Variants in ST7 observed in about 807,000 individuals in gnomAD.
ST7 encodes the protein suppression of tumorigenicity 7.
In ST7, 28 loss-of-function variants were observed where a neutral mutation model predicts 78.7. The observed-to-expected ratio is 0.36, with a 90% CI of 0.26 to 0.49. The LOEUF (loss-of-function observed/expected upper bound fraction) is 0.49. Among genes scored for constraint, ST7 ranks in the 20% least tolerant of loss-of-function variants. ST7 has a pLI of 0.99. For synonymous variants in ST7, 247 were observed against 249.6 expected, an observed-to-expected ratio of 0.99 and a Z score of 0.10; for missense variants, 418 against 696.0, an observed-to-expected ratio of 0.60 and a Z score of 4.49.
chr7:117,225,777 G>A lies in ST7; in HGVS notation c.1638+3715G>A, dbSNP rs575157727. 9.9e-5 allele frequency among the ~76,000 whole-genome samples: 15 copies of A among 152,266 alleles called. No individual in the cohort carries two copies. The South Asian group carries it at 2.9e-3, about 30-fold the overall frequency. On this transcript the variant is annotated intron_variant, in intron 15 of 15. Transcript: ENST00000323984. The stretch of plus-strand genomic sequence containing the variant: ...CAGCTGCTGGCTTGGGAACTCTCCA[G>A]CATGTTTACTTGGTGACCATGATGT...
chr7:116,966,278 T>G (rs528932731), intron 1 of ST7, among the ~76,000 whole-genome samples: 2 of 146,246 alleles, frequency 1.4e-5, no homozygotes, highest in South Asian at 2.2e-4. Context: ...AAGATAGGAG[T>G]CTTCCTCTGT....
chr7:117,229,353 C>T (rs1793645082), intron 15 of ST7, among the ~76,000 whole-genome samples: 1 of 144,056 alleles, frequency 6.9e-6, no homozygotes, highest in Non-Finnish European at 1.5e-5. Flanking sequence ...TTAAAGTGAG[C>T]TCTACACCCA....
At chr7:117,169,405 G>T (rs1158274723) in intron 9 of ST7, among the ~76,000 whole-genome samples, 3 of 151,734 alleles carry the variant, frequency 2.0e-5, no homozygotes, top group Non-Finnish European at 2.9e-5. Flanking sequence ...CAAAGTGCTG[G>T]GATTATAGTC....
At chr7:117,115,592 G>A (rs1444667553) in intron 2 of ST7, among the ~76,000 whole-genome samples, 2 of 152,102 alleles carry the variant, frequency 1.3e-5, no homozygotes, top group East Asian at 1.9e-4. Context: ...GACCTCAGGT[G>A]ATCTGCCCGC....
Position 117,099,052 on chromosome 7 carries a change from AAAAAAAAAAAAAAC to A in ST7, c.152-699_152-686del, listed in dbSNP as rs559454278. Among the ~76,000 whole-genome samples the A allele has an allele frequency of 3.3e-3, 480 of 143,984 alleles. 10 individuals carry two copies. Among genetic ancestry groups the A allele is most frequent in the African/African-American group, 0.012 (456 of 38,626 alleles). 94.5% of individuals were successfully genotyped at this position (143,984 alleles called of 152,430 possible). A position where few individuals can be genotyped will look rare whatever the true frequency, so the allele number is the denominator to read the frequency against. ...CTTAATAAACTCACTTTCGCAAAAAAAAAAAAAAAAAAACAAAAAAAAAAGAAGAAGAAGAAGGT... is the reference window on the plus strand; with the variant it reads ...CTTAATAAACTCACTTTCGCAAAAAAAAAAAAAAAAGAAGAAGAAGAAGGT... On this transcript the variant is annotated intron_variant, in intron 1 of 15. Transcript: ENST00000323984.
intron 1 of ST7, among the ~76,000 whole-genome samples, chr7:117,022,337 A>C (rs1048410167): frequency 2.7e-4 from 41 of 152,216 alleles, no homozygotes; most frequent in Non-Finnish European, 1.0e-4. Context: ...TCGTACTGTC[A>C]GTGGATATCG....
At chr7:117,071,818 C>G (rs1173106832) in intron 1 of ST7, among the ~76,000 whole-genome samples, 1 of 152,200 alleles carries the variant, frequency 6.6e-6, no homozygotes, top group Non-Finnish European at 1.5e-5. Flanking sequence ...AGAGGCAGAT[C>G]ATACAAAACT....
chr7:117,073,888 G>A (rs745664787), intron 1 of ST7: 6 of 152,094 alleles, frequency 3.9e-5, no homozygotes, highest in Admixed American at 6.5e-5. Context: ...TATTGTTCTC[G>A]TGGAATGTTG....
intron 6 of ST7, 114 bp from the exon 7 acceptor site, chr7:117,134,010 T>C: frequency 7.2e-7 from 1 of 1,380,852 alleles, no homozygotes; most frequent in Non-Finnish European, 9.7e-7. Flanking sequence ...TTTGAATTTT[T>C]TGAAGTCCAC....
chr7:117,156,227 C>T (rs984237673), intron 9 of ST7, among the ~76,000 whole-genome samples: 1 of 152,144 alleles, frequency 6.6e-6, no homozygotes, highest in African/African-American at 2.4e-5. Context: ...TATCCCAGTA[C>T]AATAGTGCCT....
intron 1 of ST7, among the ~76,000 whole-genome samples, chr7:117,039,552 C>T (rs1018170086): frequency 3.8e-4 from 55 of 146,484 alleles, no homozygotes; most frequent in Admixed American, 4.1e-4. Flanking sequence ...CCAGCCTGGG[C>T]GACAGAGTGA....
At chr7:116,968,927 G>A (rs1016618993) in intron 1 of ST7, among the ~76,000 whole-genome samples, 13 of 152,156 alleles carry the variant, frequency 8.5e-5, no homozygotes, top group African/African-American at 2.9e-4. Flanking sequence ...TTAAATTGGA[G>A]TTCATTTTGA....
At chr7:116,955,258 C>T in intron 1 of ST7, 1 of 367,274 alleles carries the variant, frequency 2.7e-6, no homozygotes, top group Non-Finnish European at 5.4e-6. Context: ...CAGTGTTAGT[C>T]TGTTTTGTGC....
chr7:117,132,580 C>T (rs924500832), intron 6 of ST7, among the ~76,000 whole-genome samples: 1 of 151,474 alleles, frequency 6.6e-6, no homozygotes, highest in African/African-American at 2.4e-5. Flanking sequence ...CCATCTGGTG[C>T]TTGAATCACC....
In ST7 at chr7:117,209,795, A is replaced by G. The variant is rs1792138187; in HGVS notation, c.1263A>G (p.Leu421=). Residue 421 remains leucine (L), a synonymous_variant, in exon 13 of 16, where the codon CTA becomes CTG. Transcript: ENST00000323984. ...EFNPHVPKYL[L]EMKSLILPPE... Reference sequence around the variant, plus strand: ...CTGCTTTTTTATTTCAGTACCTACTAGAAATGAAAAGCTTAATCCTACCCC... The same window carrying G: ...CTGCTTTTTTATTTCAGTACCTACTGGAAATGAAAAGCTTAATCCTACCCC... 6.2e-7 allele frequency: 1 copy of G among 1,613,406 alleles called. No homozygotes were observed. The highest frequency in any genetic ancestry group is 1.1e-5 in the South Asian group (1 of 90,942).
At chr7:117,082,443 A>G (rs1295573349) in intron 1 of ST7, among the ~76,000 whole-genome samples, 1 of 152,224 alleles carries the variant, frequency 6.6e-6, no homozygotes, top group Non-Finnish European at 1.5e-5. Context: ...AATATTTACC[A>G]GAGTTGAGAA....
intron 10 of ST7, among the ~76,000 whole-genome samples, chr7:117,177,697 C>T (rs893984832): frequency 2.0e-5 from 3 of 152,200 alleles, no homozygotes; most frequent in Non-Finnish European, 4.4e-5. Flanking sequence ...TCCCAAGTGG[C>T]ACATCTTTTT....
At chr7:117,028,103 A>G (rs1371719420) in intron 1 of ST7, among the ~76,000 whole-genome samples, 1 of 152,194 alleles carries the variant, frequency 6.6e-6, no homozygotes, top group African/African-American at 2.4e-5. Flanking sequence ...ATAATAGCAT[A>G]TGGACTTTTA....
At chr7:117,107,583 T>C in intron 2 of ST7, among the ~76,000 whole-genome samples, 1 of 151,754 alleles carries the variant, frequency 6.6e-6, no homozygotes, top group African/African-American at 2.4e-5. Context: ...TTATCTATTA[T>C]TCATGTCCTT....
Sources: allele counts gnomAD v4.1 joint callset (sites outside exome capture counted in the v4.1 genomes callset), GRCh38; gene constraint gnomAD v4.1.1; transcripts MANE v1.5; gene names NCBI Gene and HGNC (gene_info 2026-07-23, HGNC 2026-07-21).